Variants in FBL observed in about 807,000 individuals in gnomAD.
FBL encodes the protein fibrillarin rRNA 2'-O-methyltransferase.
In FBL, 10 loss-of-function variants were observed where a neutral mutation model predicts 42.2. The ratio of observed to expected loss-of-function variants is 0.24; its 90% CI spans 0.15 to 0.40. The LOEUF (loss-of-function observed/expected upper bound fraction) is 0.40, where lower values mean the gene tolerates loss of function less well. Ranked by LOEUF, FBL falls within the 10% of genes least tolerant of loss-of-function variation. FBL has a pLI of 1.00. For synonymous variants in FBL, 165 were observed against 165.4 expected (o/e 1.00, Z 0.02); for missense variants, 351 against 439.2 (o/e 0.80, Z 1.79).
At chr19:39,845,317 G>A (rs999486879) in intron 1 of FBL, among the ~76,000 whole-genome samples, 5 of 152,096 alleles carry the variant, frequency 3.3e-5, no homozygotes, top group Non-Finnish European at 5.9e-5. Context: ...GAAAGATAAA[G>A]GTAACAATTA....
intron 1 of FBL, among the ~76,000 whole-genome samples, chr19:39,842,979 T>C (rs1969188545): frequency 6.6e-6 from 1 of 152,190 alleles, no homozygotes; most frequent in Non-Finnish European, 1.5e-5. Context: ...CCTGCAGACA[T>C]GTGCATGGCT....
intron 7 of FBL, among the ~76,000 whole-genome samples, chr19:39,836,152 T>C (rs913664242): frequency 6.6e-6 from 1 of 151,308 alleles, no homozygotes; most frequent in Non-Finnish European, 1.5e-5. Flanking sequence ...CATGGGAGAG[T>C]TCTCCATTAT....
intron 1 of FBL, among the ~76,000 whole-genome samples, chr19:39,842,024 G>GA (rs1217839769): frequency 6.6e-6 from 1 of 151,202 alleles, no homozygotes; most frequent in Non-Finnish European, 1.5e-5. Context: ...AAAATAGTTG[G>GA]AAAACTAGTG....
intron 1 of FBL, among the ~76,000 whole-genome samples, chr19:39,841,843 G>A (rs891240204): frequency 2.0e-5 from 3 of 152,302 alleles, no homozygotes; most frequent in South Asian, 2.1e-4. Flanking sequence ...CAGTAAGATC[G>A]AAATGTTTAA....
intron 4 of FBL, 131 bp from the exon 5 acceptor site, chr19:39,839,336 A>C (rs1390351555): frequency 2.9e-6 from 2 of 694,074 alleles, no homozygotes; most frequent in Non-Finnish European, 4.7e-6. Flanking sequence ...AGTAAAGAGC[A>C]GTGACCATGC....
At position 39,840,451 on chromosome 19, in the gene FBL, C is replaced by T. The variant is rs141906890; in HGVS notation, c.246G>A (p.Ser82=). The part of the protein sequence containing the change: ...RGRGGKRGNQ[S]GKNVMVEPHR... ...GCGGCTCCACCATCACATTCTTCCC[C>T]GACTGGTTTCCTCTTTTTCCTCCCC... The change falls in exon 3 of 9, where the codon TCG becomes TCA. Residue 82 remains serine, a synonymous_variant. Transcript: ENST00000221801. The surrounding 1 kb of genome is among the most constrained non-coding windows in gnomAD (Gnocchi z 4.5). 1.9e-4 allele frequency: 304 copies of T among 1,614,024 alleles called. No homozygotes were observed. The highest frequency in any genetic ancestry group is 2.3e-4 in the Non-Finnish European group (276 of 1,180,032).
chr19:39,843,032 G>C (rs1211605785), intron 1 of FBL, among the ~76,000 whole-genome samples: 1 of 152,160 alleles, frequency 6.6e-6, no homozygotes, highest in Non-Finnish European at 1.5e-5. Context: ...TAAAATGTTA[G>C]TTCCCCAGAA....
At chr19:39,844,304 C>A (rs188626367) in intron 1 of FBL, among the ~76,000 whole-genome samples, 1 of 152,288 alleles carries the variant, frequency 6.6e-6, no homozygotes, top group Non-Finnish European at 1.5e-5. Flanking sequence ...GAAGTACTGG[C>A]ATGTGCTTGG....
intron 1 of FBL, among the ~76,000 whole-genome samples, chr19:39,841,231 C>T (rs1337296555): frequency 6.6e-6 from 1 of 152,020 alleles, no homozygotes; most frequent in African/African-American, 2.4e-5. Context: ...CCACTACTCC[C>T]ATAGTGTAGA....
chr19:39,836,269 G>A (rs1046867286), intron 7 of FBL, among the ~76,000 whole-genome samples: 1 of 151,820 alleles, frequency 6.6e-6, no homozygotes, highest in African/African-American at 2.4e-5. Context: ...ATTTGATCCT[G>A]TCATCTACCC....
At chr19:39,838,829 T>C in intron 5 of FBL, 1 of 545,756 alleles carries the variant, frequency 1.8e-6, no homozygotes, top group Non-Finnish European at 3.2e-6. Flanking sequence ...CACACCCACG[T>C]CTCTTCCCTT....
Position 39,836,731 on chromosome 19 carries a change from G to A in FBL, c.683-63C>T. 1.0e-5 allele frequency: 13 copies of A among 1,282,818 alleles called. No homozygotes were observed. In the South Asian group the frequency reaches 1.6e-4, roughly 16 times the overall value. 79.5% of individuals were successfully genotyped at this position (1,282,818 alleles called of 1,614,324 possible). On this transcript the variant is annotated intron_variant, in intron 6 of 8. Coordinates refer to ENST00000221801, the MANE Select transcript of FBL (RefSeq NM_001436.4). The stretch of plus-strand genomic sequence containing the variant: ...CAGGGATCACCCCAGATCCTCCCAT[G>A]GGGCCTATGCCCATCACCAGCAGGT...
chr19:39,840,155 A>G lies in FBL; in HGVS notation c.378+78T>C, dbSNP rs564383218. The G allele has an allele frequency of 4.4e-5, 42 of 962,296 alleles. No individual in the cohort carries two copies. In the Middle Eastern group the frequency reaches 1.5e-3, roughly 34 times the overall value. The allele number at this position is 962,296 out of a possible 1,614,324, so 59.6% of individuals were successfully genotyped here. On this transcript the variant is annotated intron_variant, in intron 4 of 8. Coordinates refer to ENST00000221801, the MANE Select transcript of FBL (RefSeq NM_001436.4). This position sits in a 1 kb window ranked among gnomAD's most constrained non-coding sequence, Gnocchi z 4.5. ...CCTCCAGCTGTCACGTGCAGGACAC[A>G]TGGTGAGGGCAGACACAGACTACTG...
At chr19:39,841,255 C>A (rs1419569443) in intron 1 of FBL, among the ~76,000 whole-genome samples, 2 of 151,684 alleles carry the variant, frequency 1.3e-5, no homozygotes, top group Non-Finnish European at 2.9e-5. Context: ...GGGGGTCTCA[C>A]TATGTTGCCC....
chr19:39,840,671 G>T lies in FBL; in HGVS notation c.127C>A (p.Arg43Ser), dbSNP rs762361488. The T allele has an allele frequency of 6.2e-7, 1 of 1,605,622 alleles. No individual in the cohort carries two copies. The highest frequency in any genetic ancestry group is 1.7e-5 in the Admixed American group (1 of 58,556). Residue 43 changes from arginine to serine, a missense_variant, in exon 2 of 9, where the codon CGT becomes AGT. By Grantham distance (110) the Arg-to-Ser change is moderately radical. Transcript: ENST00000221801. This position sits in a 1 kb window ranked among gnomAD's most constrained non-coding sequence, Gnocchi z 4.5. ...CCGCCTCCACCTCCTCCTCGTCCAC[G>T]ACCTCTAAAGCCTCCGCCTCGACCT... Reference protein sequence around the residue: ...GRGRGGGFRGRGRGGGGGGGG... With the variant: ...GRGRGGGFRGSGRGGGGGGGG...
intron 5 of FBL, 169 bp downstream of exon 5, chr19:39,838,866 G>T: frequency 1.6e-6 from 1 of 631,378 alleles, no homozygotes; most frequent in Non-Finnish European, 2.7e-6. Context: ...GAGTGAGGTT[G>T]AATGACATTA....
At chr19:39,842,062 G>A (rs775298670) in intron 1 of FBL, among the ~76,000 whole-genome samples, 11 of 150,932 alleles carry the variant, frequency 7.3e-5, no homozygotes, top group Non-Finnish European at 1.6e-4. Context: ...ATTCTCACAT[G>A]ATGTAATCTA....
At position 39,835,383 on chromosome 19, in the gene FBL, G is replaced by A. The variant is rs919735198; in HGVS notation, c.796-570C>T. Among the ~76,000 whole-genome samples, 114 of 152,236 alleles carry A rather than the reference G, an allele frequency of 7.5e-4. 1 individual carries two copies. In the Middle Eastern group the frequency reaches 0.014, roughly 18 times the overall value. On this transcript the variant is annotated intron_variant, in intron 7 of 8. Transcript: ENST00000221801. ...AAAATACAAAAATTAGTCGGGTGTGGTGGCGCACACCTGTAGTCCCACCTA... is the reference window on the plus strand; with the variant it reads ...AAAATACAAAAATTAGTCGGGTGTGATGGCGCACACCTGTAGTCCCACCTA...
In FBL at chr19:39,839,103, C is replaced by T. The variant is rs751551472; in HGVS notation, c.481G>A (p.Ala161Thr). Reference protein sequence around the residue: ...GVDQIHIKPGAKVLYLGAASG... With the variant: ...GVDQIHIKPGTKVLYLGAASG... ...GCAGCCCCGAGGTAGAGAACCTTAG[C>T]CCCCGGTTTGATGTGGATCTGGTCC... The change falls in exon 5 of 9, where the codon GCT becomes ACT. Residue 161 changes from alanine to threonine, a missense_variant. By Grantham distance (58) the Ala-to-Thr change is moderately conservative (BLOSUM62 0). Coordinates refer to ENST00000221801, the MANE Select transcript of FBL (RefSeq NM_001436.4). 1.1e-5 allele frequency: 17 copies of T among 1,614,156 alleles called. No individual in the cohort carries two copies. The highest frequency in any genetic ancestry group is 8.3e-5 in the Admixed American group (5 of 60,024).
Sources: allele counts gnomAD v4.1 joint callset (sites outside exome capture counted in the v4.1 genomes callset), GRCh38; gene constraint gnomAD v4.1.1; non-coding constraint Gnocchi (gnomAD v3.1); transcripts MANE v1.5; gene names NCBI Gene and HGNC (gene_info 2026-07-23, HGNC 2026-07-21).